The following LMTK2 variants were observed in gnomAD, a reference collection of about 807,000 sequenced individuals.
LMTK2 encodes the protein lemur tail kinase 2.
In LMTK2, 37 loss-of-function variants were observed where a neutral mutation model predicts 127.5. The observed-to-expected ratio is 0.29, with a 90% CI of 0.22 to 0.38. The LOEUF is 0.38. LMTK2 is among the 10% of genes least tolerant of loss of function. LMTK2 has a pLI of 1.00. For missense variants in LMTK2, 1,694 were observed against 1,920.3 expected, an observed-to-expected ratio of 0.88 and a Z score of 2.20; for synonymous variants, 819 against 810.1, an observed-to-expected ratio of 1.01 and a Z score of -0.19.
intron 7 of LMTK2, among the ~76,000 whole-genome samples, chr7:98,178,007 G>A (rs536768924): frequency 6.6e-6 from 1 of 152,278 alleles, no homozygotes; most frequent in African/African-American, 2.4e-5. Context: ...AGCAGAGGGA[G>A]GCTTTGGAAT....
intron 8 of LMTK2, 81 bp from the exon 9 acceptor site, chr7:98,186,796 G>C: frequency 7.7e-7 from 1 of 1,303,236 alleles, no homozygotes; most frequent in Non-Finnish European, 1.1e-6. Flanking sequence ...TATGTTTTCT[G>C]AGAATACCAT....
intron 1 of LMTK2, among the ~76,000 whole-genome samples, chr7:98,134,798 T>A (rs577523915): frequency 3.3e-5 from 5 of 152,210 alleles, no homozygotes; most frequent in Non-Finnish European, 5.9e-5. Flanking sequence ...TGCCTCAAGC[T>A]CCTCACTTAG....
At chr7:98,166,343 G>A (rs1242711122) in intron 6 of LMTK2, among the ~76,000 whole-genome samples, 1 of 152,222 alleles carries the variant, frequency 6.6e-6, no homozygotes, top group Admixed American at 6.5e-5. Context: ...GTTCTCTGGC[G>A]CCCTCCGATG....
At chr7:98,132,205 G>T (rs757648101) in intron 1 of LMTK2, among the ~76,000 whole-genome samples, 14 of 152,138 alleles carry the variant, frequency 9.2e-5, no homozygotes, top group Non-Finnish European at 1.5e-4. Flanking sequence ...CCACAAAACA[G>T]TGACAGCAGC....
chr7:98,152,228 A>AT (rs947395990), intron 4 of LMTK2, among the ~76,000 whole-genome samples: 15 of 152,186 alleles, frequency 9.9e-5, no homozygotes, highest in African/African-American at 2.2e-4. Flanking sequence ...TGCTTTGTTG[A>AT]TTTTTTTATC....
chr7:98,131,469 A>G (rs1474439716), intron 1 of LMTK2, among the ~76,000 whole-genome samples: 1 of 151,398 alleles, frequency 6.6e-6, no homozygotes, highest in East Asian at 1.9e-4. Flanking sequence ...GTGGTATTTC[A>G]CATGTCTCGC....
At chr7:98,158,360 C>T (rs1357711213) in intron 5 of LMTK2, among the ~76,000 whole-genome samples, 1 of 152,156 alleles carries the variant, frequency 6.6e-6, no homozygotes, top group Non-Finnish European at 1.5e-5. Flanking sequence ...CTGCAGCCTC[C>T]ACCTCCTGCG....
intron 7 of LMTK2, among the ~76,000 whole-genome samples, chr7:98,178,430 G>C (rs145143679): frequency 2.0e-5 from 3 of 152,138 alleles, no homozygotes; most frequent in Non-Finnish European, 4.4e-5. Context: ...ACTTTCTGTC[G>C]ATCGCTCTGC....
chr7:98,160,114 G>A (rs1796992013), intron 6 of LMTK2, among the ~76,000 whole-genome samples: 1 of 152,008 alleles, frequency 6.6e-6, no homozygotes, highest in African/African-American at 2.4e-5. Flanking sequence ...GCATGTAATT[G>A]TTATCTTCCA....
intron 7 of LMTK2, 103 bp from the exon 8 acceptor site, chr7:98,184,948 A>G: frequency 1.3e-6 from 1 of 788,942 alleles, no homozygotes; most frequent in Middle Eastern, 2.3e-4. Flanking sequence ...AGCTCAATAT[A>G]CTTACTCGGA....
In LMTK2 at chr7:98,201,984, A is replaced by G. The variant is rs550941275; in HGVS notation, c.4108-1590A>G. Among the ~76,000 whole-genome samples, 17 of 152,346 alleles carry G rather than the reference A, an allele frequency of 1.1e-4. No individual in the cohort carries two copies. The South Asian group carries it at 3.5e-3, about 32-fold the overall frequency. On this transcript the variant is annotated intron_variant, in intron 11 of 13. Coordinates refer to ENST00000297293, the MANE Select transcript of LMTK2 (RefSeq NM_014916.4). ...AGTTTTGTATCTTTCACCAAATTTA[A>G]GAAGTTTTCAGGCATTCTTTTCTTC... is the stretch of plus-strand genomic sequence containing the variant.
intron 9 of LMTK2, among the ~76,000 whole-genome samples, chr7:98,190,068 T>C (rs1482986971): frequency 2.0e-5 from 3 of 152,240 alleles, no homozygotes; most frequent in African/African-American, 7.2e-5. Flanking sequence ...GCCAAATTTT[T>C]AGAACATTCT....
At chr7:98,129,829 G>A (rs1369218168) in intron 1 of LMTK2, among the ~76,000 whole-genome samples, 1 of 152,004 alleles carries the variant, frequency 6.6e-6, no homozygotes, top group Non-Finnish European at 1.5e-5. Flanking sequence ...CTACCTGAAT[G>A]CTAGGCGCTG....
chr7:98,147,940 G>A (rs374438758), intron 3 of LMTK2, among the ~76,000 whole-genome samples: 25 of 151,998 alleles, frequency 1.6e-4, no homozygotes, highest in African/African-American at 5.6e-4. Context: ...TAGGCCGGGC[G>A]TGGTGGCTCA....
chr7:98,178,724 A>G (rs1797309917), intron 7 of LMTK2, among the ~76,000 whole-genome samples: 2 of 152,094 alleles, frequency 1.3e-5, no homozygotes, highest in African/African-American at 2.4e-5. Context: ...GATAATATTT[A>G]TTTTTACCAA....
At position 98,192,756 on chromosome 7, in the gene LMTK2, GAA is replaced by G; in HGVS notation, c.2293_2294del (p.Asn765LeufsTer5). On this transcript the variant is annotated frameshift_variant, in exon 11 of 14. Coordinates refer to ENST00000297293, the MANE Select transcript of LMTK2 (RefSeq NM_014916.4). LOFTEE classifies it high-confidence loss of function. ...GAAGCTATGTTAGAAACGTCATGTA[GAA>G]ACTCTTTAGATACTGAGCTTCAGTT... 6.2e-7 allele frequency: 1 copy of G among 1,613,728 alleles called. No individual in the cohort carries two copies. Among genetic ancestry groups the G allele is most frequent in the South Asian group, 1.1e-5 (1 of 90,982 alleles).
chr7:98,114,644 T>C (rs1584241024), intron 1 of LMTK2, among the ~76,000 whole-genome samples: 1 of 152,154 alleles, frequency 6.6e-6, no homozygotes, highest in East Asian at 1.9e-4. Context: ...CTGCATCTGG[T>C]GAAGGGAGAC....
intron 6 of LMTK2, among the ~76,000 whole-genome samples, chr7:98,163,428 A>G (rs1797043092): frequency 6.6e-6 from 1 of 152,162 alleles, no homozygotes; most frequent in Non-Finnish European, 1.5e-5. Context: ...CCAGTCATAT[A>G]TCAGAGTCAA....
intron 1 of LMTK2, among the ~76,000 whole-genome samples, chr7:98,122,616 G>A (rs1193925128): frequency 2.0e-5 from 3 of 151,274 alleles, no homozygotes; most frequent in Admixed American, 6.6e-5. Flanking sequence ...TTTGTCTCCT[G>A]CTCCTGGACC....
Sources: gnomAD v4.1 joint callset for allele counts (sites outside exome capture counted in the v4.1 genomes callset) on GRCh38, gnomAD v4.1.1 for gene constraint, MANE v1.5 for transcripts, NCBI Gene and HGNC (gene_info 2026-07-23, HGNC 2026-07-21) for gene names.